The following CD244 variants were observed in gnomAD, a reference collection of about 807,000 sequenced individuals.
CD244 encodes natural killer cell receptor 2B4.
A neutral mutation model predicts 45.5 loss-of-function variants in CD244; 20 were observed. The ratio of observed to expected loss-of-function variants is 0.44; its 90% CI spans 0.31 to 0.64. The LOEUF is 0.64. CD244 is among the 30% of genes least tolerant of loss of function. The pLI, the probability that CD244 is intolerant of heterozygous loss-of-function variation, is 0.08. For missense variants in CD244, 407 were observed against 426.9 expected, an observed-to-expected ratio of 0.95 and a Z score of 0.41; for synonymous variants, 185 against 160.5, an observed-to-expected ratio of 1.15 and a Z score of -1.15.
chr1:160,837,964 C>T (rs1344208938), intron 5 of CD244, among the ~76,000 whole-genome samples: 2 of 152,232 alleles, frequency 1.3e-5, no homozygotes, highest in African/African-American at 4.8e-5. Context: ...TGGTTACTCT[C>T]TCTAGTACCT....
At chr1:160,838,560 C>G (rs780509045) in intron 4 of CD244, 42 bp from the exon 5 acceptor site, 34 of 1,411,316 alleles carry the variant, frequency 2.4e-5, no homozygotes, top group Non-Finnish European at 3.2e-5. Context: ...GCAGAAACCT[C>G]CAGAAGGGCT....
At chr1:160,833,971 C>T in intron 7 of CD244, 80 bp downstream of exon 7, 1 of 998,410 alleles carries the variant, frequency 1.0e-6, no homozygotes, top group Non-Finnish European at 1.6e-6. Flanking sequence ...AGGATGTGCA[C>T]ACACACTCTC....
Position 160,857,426 on chromosome 1 carries a change from T to C in CD244, c.61+5191A>G, listed in dbSNP as rs182642739. ...AATAGAAAAGGTGAATAAACTATGA[T>C]ATAGTCATGCGATAAAATACTATAC... On this transcript the variant is annotated intron_variant, in intron 1 of 8. Transcript: ENST00000368034. Among the ~76,000 whole-genome samples, 278 of 152,294 alleles carry C rather than the reference T, an allele frequency of 1.8e-3. 1 individual carries two copies. The highest frequency in any genetic ancestry group is 3.0e-3 in the Non-Finnish European group (202 of 68,024).
chr1:160,840,906 A>G (rs1002834733), intron 3 of CD244, among the ~76,000 whole-genome samples: 4 of 152,214 alleles, frequency 2.6e-5, no homozygotes, highest in Admixed American at 6.5e-5. Flanking sequence ...CTCTCCCAGG[A>G]AGAAAATAAT....
chr1:160,831,970 G>A (rs985387896), intron 8 of CD244, among the ~76,000 whole-genome samples: 2 of 152,112 alleles, frequency 1.3e-5, no homozygotes, highest in African/African-American at 4.8e-5. Flanking sequence ...GAAGACACTG[G>A]CAGGCTACCT....
chr1:160,852,276 G>T (rs528441219), intron 1 of CD244, among the ~76,000 whole-genome samples: 2 of 152,234 alleles, frequency 1.3e-5, no homozygotes, highest in Non-Finnish European at 2.9e-5. Context: ...AAGGCTGGGC[G>T]AAGCGGCTCA....
chr1:160,832,837 A>C, intron 7 of CD244: 1 of 474,836 alleles, frequency 2.1e-6, no homozygotes, highest in Non-Finnish European at 4.0e-6. Context: ...ACCCACATAC[A>C]CCTAAAACCC....
At chr1:160,840,347 C>T (rs143386067) in intron 3 of CD244, among the ~76,000 whole-genome samples, 2,420 of 152,108 alleles carry the variant, frequency 0.016, 65 homozygotes, top group African/African-American at 0.055. Flanking sequence ...CTGCAACCTC[C>T]GCCTCCTGGG....
At chr1:160,853,195 AG>A (rs1386022233) in intron 1 of CD244, among the ~76,000 whole-genome samples, 1 of 152,244 alleles carries the variant, frequency 6.6e-6, no homozygotes, top group Non-Finnish European at 1.5e-5. Flanking sequence ...GCAATGAAAA[AG>A]AAAAGCTACT....
intron 1 of CD244, among the ~76,000 whole-genome samples, chr1:160,844,690 C>A (rs192437975): frequency 1.2e-4 from 19 of 152,266 alleles, no homozygotes; most frequent in Admixed American, 3.3e-4. Context: ...ATCAGCTAGC[C>A]CTGGCCTGGT....
chr1:160,836,840 G>T (rs1391442029), intron 5 of CD244, among the ~76,000 whole-genome samples: 1 of 152,126 alleles, frequency 6.6e-6, no homozygotes, highest in Non-Finnish European at 1.5e-5. Flanking sequence ...AAAGCATATT[G>T]CCAGTTTGGG....
chr1:160,835,425 T>A (rs545550544), intron 6 of CD244, among the ~76,000 whole-genome samples: 6 of 152,178 alleles, frequency 3.9e-5, no homozygotes, highest in African/African-American at 1.4e-4. Flanking sequence ...ATTAGAACTA[T>A]TTTCATGAGG....
rs73025704 is a variant in CD244 at position 160,861,882 on chromosome 1, T to C, written c.61+735A>G. Among the ~76,000 whole-genome samples, 1,005 of 152,132 alleles carry C rather than the reference T, an allele frequency of 6.6e-3. 14 individuals are homozygous for C. The highest frequency in any genetic ancestry group is 0.023 in the African/African-American group (955 of 41,490). ...AAAATTAAAAATGAAATAAATAAAT[T>C]AATTCAATTAAATTAAATGCGGGAT... On this transcript the variant is annotated intron_variant, in intron 1 of 8. Transcript: ENST00000368034.
At chr1:160,850,951 T>C (rs907011466) in intron 1 of CD244, among the ~76,000 whole-genome samples, 5 of 152,252 alleles carry the variant, frequency 3.3e-5, no homozygotes, top group African/African-American at 1.2e-4. Context: ...ATTAATTTGC[T>C]AGATGGCTCA....
intron 8 of CD244, 85 bp downstream of exon 8, chr1:160,832,434 T>A (rs1468487446): frequency 2.5e-6 from 2 of 811,910 alleles, no homozygotes; most frequent in Admixed American, 2.3e-5. Flanking sequence ...GTGTGAATGA[T>A]CTTTTCCTAA....
chr1:160,855,715 T>G (rs1670081350), intron 1 of CD244, among the ~76,000 whole-genome samples: 1 of 152,220 alleles, frequency 6.6e-6, no homozygotes, highest in Non-Finnish European at 1.5e-5. Context: ...CTGTTGCTAC[T>G]GCTCAGCAGC....
In CD244 at chr1:160,839,171, T is replaced by G; in HGVS notation, c.656-122A>C. The stretch of plus-strand genomic sequence containing the variant: ...CTCTGTGTTGTGGCTGATTGCCTCG[T>G]GCTCTGAGAACTCACGGTCAAGGTT... On this transcript the variant is annotated intron_variant, in intron 3 of 8. Coordinates refer to ENST00000368034, the MANE Select transcript of CD244 (RefSeq NM_016382.4). 4.6e-6 allele frequency: 3 copies of G among 655,922 alleles called. No homozygotes were observed. In the South Asian group the frequency reaches 5.8e-5, roughly 13 times the overall value. The allele number at this position is 655,922 out of a possible 1,614,324, so 40.6% of individuals were successfully genotyped here. A position where few individuals can be genotyped will look rare whatever the true frequency, so the allele number is the denominator to read the frequency against.
At chr1:160,849,378 G>A (rs1412445098) in intron 1 of CD244, among the ~76,000 whole-genome samples, 2 of 148,554 alleles carry the variant, frequency 1.3e-5, no homozygotes, top group African/African-American at 5.0e-5. Context: ...GTGGTTTGCT[G>A]CACCTATCAA....
chr1:160,845,440 C>T (rs1669696180), intron 1 of CD244, among the ~76,000 whole-genome samples: 1 of 151,942 alleles, frequency 6.6e-6, no homozygotes, highest in Non-Finnish European at 1.5e-5. Context: ...AATTGGAAAG[C>T]AAGGAGACGA....
Sources: gnomAD v4.1 joint callset for allele counts (sites outside exome capture counted in the v4.1 genomes callset) on GRCh38, gnomAD v4.1.1 for gene constraint, MANE v1.5 for transcripts, NCBI Gene and HGNC (gene_info 2026-07-23, HGNC 2026-07-21) for gene names.